The following FAM174A variants were observed in gnomAD, a reference collection of about 807,000 sequenced individuals.
The protein encoded by FAM174A is family with sequence similarity 174 member A, also known as membrane protein FAM174A.
A neutral mutation model predicts 14.3 loss-of-function variants in FAM174A; 14 were observed. The observed-to-expected ratio is 0.98, with a 90% CI of 0.65 to 1.53. The LOEUF is 1.53. Ranked by LOEUF, FAM174A falls within the 40% of genes most tolerant of loss-of-function variation. The pLI is 0.00. For missense variants in FAM174A, 241 were observed against 249.6 expected (o/e 0.97, Z 0.23); for synonymous variants, 108 against 111.4 (o/e 0.97, Z 0.19).
intron 2 of FAM174A, chr5:100,581,358 A>T: frequency 1.0e-6 from 1 of 985,066 alleles, no homozygotes; most frequent in Non-Finnish European, 1.2e-6. Context: ...CTGCTGTGGA[A>T]TTCCTGAGAA....
intron 1 of FAM174A, among the ~76,000 whole-genome samples, chr5:100,540,883 A>G (rs1303313162): frequency 6.6e-6 from 1 of 152,150 alleles, no homozygotes; most frequent in Admixed American, 6.6e-5. Flanking sequence ...CCACATATAG[A>G]CATTGATATC....
At chr5:100,537,472 A>G (rs531825899) in intron 1 of FAM174A, among the ~76,000 whole-genome samples, 180 of 152,320 alleles carry the variant, frequency 1.2e-3, no homozygotes, top group Middle Eastern at 6.8e-3. Context: ...TTTAATTAAT[A>G]TGGTAAAGTT....
intron 1 of FAM174A, 72 bp downstream of exon 1, chr5:100,536,036 A>G: frequency 1.5e-6 from 2 of 1,368,178 alleles, no homozygotes; most frequent in Non-Finnish European, 2.0e-6. Flanking sequence ...AGCAAGGCTG[A>G]CTTCTGTGAC....
At chr5:100,567,873 C>G (rs1455159723) in intron 2 of FAM174A, among the ~76,000 whole-genome samples, 10 of 151,812 alleles carry the variant, frequency 6.6e-5, no homozygotes, top group Admixed American at 6.6e-4. Flanking sequence ...TAAGGTTTTC[C>G]TTAATTTCTC....
intron 2 of FAM174A, among the ~76,000 whole-genome samples, chr5:100,575,396 C>T (rs931490326): frequency 2.0e-5 from 3 of 152,016 alleles, no homozygotes; most frequent in Non-Finnish European, 4.4e-5. Flanking sequence ...TGCTATCCCT[C>T]GTCTCTCCCC....
chr5:100,578,356 T>A (rs937487908), intron 2 of FAM174A, among the ~76,000 whole-genome samples: 1 of 152,166 alleles, frequency 6.6e-6, no homozygotes, highest in African/African-American at 2.4e-5. Flanking sequence ...CCAAATAATA[T>A]AGTTGGACTG....
chr5:100,572,601 A>G (rs1174010521), intron 2 of FAM174A, among the ~76,000 whole-genome samples: 2 of 151,940 alleles, frequency 1.3e-5, no homozygotes, highest in East Asian at 3.9e-4. Context: ...TTATGGCTGC[A>G]TAGTATTCCA....
intron 2 of FAM174A, among the ~76,000 whole-genome samples, chr5:100,572,614 G>A (rs1210412897): frequency 6.6e-6 from 1 of 151,910 alleles, no homozygotes; most frequent in Non-Finnish European, 1.5e-5. Flanking sequence ...GTATTCCATG[G>A]TGTAAATGTG....
intron 1 of FAM174A, among the ~76,000 whole-genome samples, chr5:100,538,077 T>C (rs1023801361): frequency 5.3e-5 from 8 of 152,308 alleles, no homozygotes; most frequent in African/African-American, 1.9e-4. Context: ...TTAACCAGCA[T>C]CTAACATATT....
intron 1 of FAM174A, among the ~76,000 whole-genome samples, chr5:100,558,361 T>C (rs1746442545): frequency 6.6e-6 from 1 of 152,178 alleles, no homozygotes; most frequent in East Asian, 1.9e-4. Flanking sequence ...CTTCCAACTA[T>C]GTGGTCAGTT....
chr5:100,562,685 T>G (rs960594455), intron 2 of FAM174A, among the ~76,000 whole-genome samples: 2 of 151,834 alleles, frequency 1.3e-5, no homozygotes, highest in Non-Finnish European at 2.9e-5. Flanking sequence ...GAAGATATTT[T>G]CTTTTTAGTT....
rs1580375679 is a variant in FAM174A, at chr5:100,571,963, A to G, written c.569+9775A>G. 2.0e-5 allele frequency among the ~76,000 whole-genome samples: 3 copies of G among 152,008 alleles called. 1 individual carries two copies. The East Asian group carries it at 5.8e-4, about 29-fold the overall frequency. ...CCAAGGCAAATTCAAGTCTGCCATCAAAGAATATCAGGAAACATATAACTG... is the reference window on the plus strand; with the variant it reads ...CCAAGGCAAATTCAAGTCTGCCATCGAAGAATATCAGGAAACATATAACTG... On this transcript the variant is annotated intron_variant, in intron 2 of 2. Transcript: ENST00000312637.
At chr5:100,578,791 A>G (rs1222424109) in intron 2 of FAM174A, among the ~76,000 whole-genome samples, 1 of 152,250 alleles carries the variant, frequency 6.6e-6, no homozygotes, top group East Asian at 1.9e-4. Flanking sequence ...TATTAAGCTT[A>G]GCAGCATGCA....
intron 2 of FAM174A, among the ~76,000 whole-genome samples, chr5:100,578,682 A>T (rs1194347019): frequency 6.6e-6 from 1 of 152,160 alleles, no homozygotes; most frequent in East Asian, 1.9e-4. Flanking sequence ...GATCACCATC[A>T]TCCCATTCAG....
intron 2 of FAM174A, among the ~76,000 whole-genome samples, chr5:100,572,497 C>T (rs1391153946): frequency 1.4e-5 from 2 of 147,422 alleles, no homozygotes; most frequent in African/African-American, 2.5e-5. Context: ...TGAGAATATG[C>T]GGTGTTCGGT....
chr5:100,582,735 G>A (rs1321570742), intron 2 of FAM174A, among the ~76,000 whole-genome samples: 4 of 152,026 alleles, frequency 2.6e-5, no homozygotes, highest in East Asian at 3.8e-4. Context: ...TTTTGTTACC[G>A]TATTATAAAT....
intron 1 of FAM174A, among the ~76,000 whole-genome samples, chr5:100,551,180 C>T (rs529314205): frequency 7.2e-5 from 11 of 152,224 alleles, no homozygotes; most frequent in Non-Finnish European, 1.5e-4. Context: ...TTAGGAAGTA[C>T]AATCAATAAT....
At chr5:100,558,447 A>T (rs578243496) in intron 1 of FAM174A, among the ~76,000 whole-genome samples, 1 of 152,144 alleles carries the variant, frequency 6.6e-6, no homozygotes, top group African/African-American at 2.4e-5. Flanking sequence ...GTAGATGTCT[A>T]TTAGGTCCGC....
rs528783111 is a variant in FAM174A at position 100,546,608 on chromosome 5, A to G, written c.434+10644A>G. 1.1e-4 allele frequency among the ~76,000 whole-genome samples: 17 copies of G among 152,310 alleles called. No homozygotes were observed. The South Asian group carries it at 2.1e-3, about 19-fold the overall frequency. Reference sequence around the variant, plus strand: ...ATTGGTATGAATTTGCATCTTACCAAATAGTAAAACAAATTTCTATTGAGC... The same window carrying G: ...ATTGGTATGAATTTGCATCTTACCAGATAGTAAAACAAATTTCTATTGAGC... On this transcript the variant is annotated intron_variant, in intron 1 of 2. Transcript: ENST00000312637.
Sources: gnomAD v4.1 joint callset for allele counts (sites outside exome capture counted in the v4.1 genomes callset) on GRCh38, gnomAD v4.1.1 for gene constraint, MANE v1.5 for transcripts, NCBI Gene and HGNC (gene_info 2026-07-23, HGNC 2026-07-21) for gene names.